P2RX7: variants seen among roughly 807,000 people sequenced by gnomAD.
P2RX7 encodes the protein purinergic receptor P2X 7.
A neutral mutation model predicts 71.6 loss-of-function variants in P2RX7; 62 were observed. The ratio of observed to expected loss-of-function variants is 0.87; its 90% CI spans 0.71 to 1.07. The LOEUF (loss-of-function observed/expected upper bound fraction) is 1.07, where lower values mean the gene tolerates loss of function less well. P2RX7 is among the 50% of genes least tolerant of loss of function. P2RX7 has a pLI of 0.00. For synonymous variants in P2RX7, 299 were observed against 283.3 expected, an observed-to-expected ratio of 1.06 and a Z score of -0.56; for missense variants, 686 against 748.5, an observed-to-expected ratio of 0.92 and a Z score of 0.97.
intron 8 of P2RX7, among the ~76,000 whole-genome samples, chr12:121,168,346 C>T (rs1881546016): frequency 6.6e-6 from 1 of 151,626 alleles, no homozygotes; most frequent in Non-Finnish European, 1.5e-5. Flanking sequence ...ATGATCTCAG[C>T]TCACTGCAAC....
intron 8 of P2RX7, among the ~76,000 whole-genome samples, chr12:121,168,260 GTTTTCTTTTC>G (rs372601410): frequency 6.8e-6 from 1 of 147,378 alleles, no homozygotes; most frequent in Non-Finnish European, 1.5e-5. Context: ...TTCAGGCAGT[GTTTTCTTTTC>G]TTTTCTTTTC....
In P2RX7 at chr12:121,145,346, T is replaced by A. The variant is rs369790018; in HGVS notation, c.126-9439T>A. Among the ~76,000 whole-genome samples the A allele has an allele frequency of 5.3e-5, 8 of 152,138 alleles. No homozygotes were observed. In the South Asian group the frequency reaches 8.3e-4, roughly 16 times the overall value. On this transcript the variant is annotated intron_variant, in intron 1 of 12. Coordinates refer to ENST00000328963, the MANE Select transcript of P2RX7 (RefSeq NM_002562.6). ...GAGAGTTCCAGGAAGGTCAGGTCCA[T>A]GGTGTATCTATTGGATTTAGTGACA... is the stretch of plus-strand genomic sequence containing the variant.
In P2RX7 at chr12:121,187,032, T is replaced by TAC. The variant is rs772355817; in HGVS notation, c.*2232_*2233dup. On this transcript the variant is annotated 3_prime_UTR_variant, in exon 13 of 13. Transcript: ENST00000328963. ...CCACACCACACTTTTACCATTTCCATACATCAACTGCTGAGAATATGAAAA... is the reference window on the plus strand; with the variant it reads ...CCACACCACACTTTTACCATTTCCATACACATCAACTGCTGAGAATATGAAAA... 2 of 152,196 alleles carry TAC rather than the reference T, an allele frequency of 1.3e-5. No individual in the cohort carries two copies. Among genetic ancestry groups the TAC allele is most frequent in the Non-Finnish European group, 2.9e-5 (2 of 68,040 alleles). 9.4% of individuals were successfully genotyped at this position (152,196 alleles called of 1,614,324 possible).
intron 11 of P2RX7, 140 bp downstream of exon 11, chr12:121,177,586 T>C: frequency 2.5e-6 from 2 of 808,542 alleles, no homozygotes; most frequent in Non-Finnish European, 3.8e-6. Flanking sequence ...ATCAACCAAC[T>C]CTCAGATAAA....
intron 1 of P2RX7, among the ~76,000 whole-genome samples, chr12:121,150,703 G>C (rs914255080): frequency 6.6e-6 from 1 of 152,198 alleles, no homozygotes; most frequent in Non-Finnish European, 1.5e-5. Flanking sequence ...GAGGTCAGGA[G>C]TTCAAGACCA....
chr12:121,162,159 C>A (rs1308222139), intron 4 of P2RX7: 1 of 1,102,810 alleles, frequency 9.1e-7, no homozygotes, highest in East Asian at 4.5e-5. Context: ...CTCATGGGCA[C>A]CTTTTCTTAT....
Position 121,157,317 on chromosome 12 carries a change from G to A in P2RX7, c.363+1170G>A, listed in dbSNP as rs1442126640. 5.9e-5 allele frequency among the ~76,000 whole-genome samples: 9 copies of A among 152,190 alleles called. No homozygotes were observed. The East Asian group carries it at 1.3e-3, about 23-fold the overall frequency. On this transcript the variant is annotated intron_variant, in intron 3 of 12. Transcript: ENST00000328963. ...AGCTTCCTGAGTGTCCAGGACCTCT[G>A]GGCAAAAGTGCTGTCTTTGAGTACA...
Position 121,132,952 on chromosome 12 carries a change from A to G in P2RX7, c.-19A>G, listed in dbSNP as rs1322150012. The stretch of plus-strand genomic sequence containing the variant: ...GTAGAGCTCTGGTCCAGCTCCGCGC[A>G]GGGAGGGAGGCTGTCACCATGCCGG... On this transcript the variant is annotated 5_prime_UTR_variant, in exon 1 of 13. Coordinates refer to ENST00000328963, the MANE Select transcript of P2RX7 (RefSeq NM_002562.6). The G allele has an allele frequency of 6.2e-7, 1 of 1,613,320 alleles. No individual in the cohort carries two copies. The highest frequency in any genetic ancestry group is 1.1e-5 in the South Asian group (1 of 91,074).
At chr12:121,173,477 C>T (rs1287175345) in intron 8 of P2RX7, among the ~76,000 whole-genome samples, 1 of 152,102 alleles carries the variant, frequency 6.6e-6, no homozygotes, top group Non-Finnish European at 1.5e-5. Flanking sequence ...TGAGCCATTG[C>T]ACCTGGCCAA....
At chr12:121,160,717 TGTACCA>T (rs1879497874) in intron 3 of P2RX7, among the ~76,000 whole-genome samples, 179 bp from the exon 4 acceptor site, 1 of 152,248 alleles carries the variant, frequency 6.6e-6, no homozygotes, top group Admixed American at 6.5e-5. Flanking sequence ...TGTGTATGAA[TGTACCA>T]CATTTTATTT....
chr12:121,167,551 C>T lies in P2RX7; in HGVS notation c.808C>T (p.Arg270Cys), dbSNP rs16950860. ...CCTAGACCGTTGGTTCCATCACTGC[C>T]GTCCCAAATACAGTTTCCGTCGCCT... ...CNLDRWFHHC[R>C]PKYSFRRLDD... Residue 270 changes from arginine to cysteine, a missense_variant, in exon 8 of 13, where the codon CGT (arginine) becomes TGT (cysteine). Transcript: ENST00000328963. 1.7e-3 allele frequency: 2,709 copies of T among 1,613,504 alleles called. 34 individuals are homozygous for T. In the African/African-American group the frequency reaches 0.033, roughly 20 times the overall value.
At position 121,175,418 on chromosome 12, in the gene P2RX7, T is replaced by C; in HGVS notation, c.912T>C (p.Val304=). The change falls in exon 9 of 13, where the codon GTT becomes GTC. Residue 304 remains valine (V), a synonymous_variant. Transcript: ENST00000328963. ...RYAKYYKENN[V]EKRTLIKVFG... The stretch of plus-strand genomic sequence containing the variant: ...CCAAGTACTACAAGGAAAACAATGT[T>C]GAGAAACGGACTCTGATAAAAGTCT... 6.2e-7 allele frequency: 1 copy of C among 1,604,560 alleles called. No homozygotes were observed. The highest frequency in any genetic ancestry group is 8.5e-7 in the Non-Finnish European group (1 of 1,171,400).
chr12:121,145,837 T>C (rs1876068743), intron 1 of P2RX7, among the ~76,000 whole-genome samples: 1 of 152,008 alleles, frequency 6.6e-6, no homozygotes, highest in South Asian at 2.1e-4. Context: ...GACTCAGCTA[T>C]AAAGAAGAGA....
At chr12:121,182,993 T>C (rs1442021449) in intron 12 of P2RX7, among the ~76,000 whole-genome samples, 1 of 152,014 alleles carries the variant, frequency 6.6e-6, no homozygotes, top group Non-Finnish European at 1.5e-5. Context: ...CTGGCCAACA[T>C]GGTGAAACCC....
At chr12:121,179,993 T>C (rs1026163717) in intron 11 of P2RX7, among the ~76,000 whole-genome samples, 2 of 151,830 alleles carry the variant, frequency 1.3e-5, no homozygotes, top group Admixed American at 1.3e-4. Context: ...CTACTAAAAA[T>C]ACAAAATTAG....
At chr12:121,152,245 T>C (rs959192568) in intron 1 of P2RX7, among the ~76,000 whole-genome samples, 2 of 152,212 alleles carry the variant, frequency 1.3e-5, no homozygotes, top group African/African-American at 4.8e-5. Context: ...CCTCCCAAAA[T>C]GCTGAGATTA....
At chr12:121,141,220 A>G (rs1035056341) in intron 1 of P2RX7, among the ~76,000 whole-genome samples, 1 of 152,264 alleles carries the variant, frequency 6.6e-6, no homozygotes, top group East Asian at 1.9e-4. Flanking sequence ...ATGTCAAAAG[A>G]TAAGCATGAT....
chr12:121,162,975 GA>G (rs58667029), intron 5 of P2RX7, among the ~76,000 whole-genome samples: 4,111 of 150,168 alleles, frequency 0.027, 64 homozygotes, highest in Non-Finnish European at 0.028. Context: ...GAGGGTAAAA[GA>G]GGGGGGGAAG....
chr12:121,135,776 G>T (rs891359047), intron 1 of P2RX7, among the ~76,000 whole-genome samples: 1 of 151,470 alleles, frequency 6.6e-6, no homozygotes, highest in Non-Finnish European at 1.5e-5. Context: ...GCCAAGGCGG[G>T]CAGGTCACTT....
Sources: gnomAD v4.1 joint callset for allele counts (sites outside exome capture counted in the v4.1 genomes callset) on GRCh38, gnomAD v4.1.1 for gene constraint, MANE v1.5 for transcripts, NCBI Gene and HGNC (gene_info 2026-07-23, HGNC 2026-07-21) for gene names.